The following WDR3 variants were observed in gnomAD, a reference collection of about 807,000 sequenced individuals.
WDR3 encodes WD repeat-containing protein 3.
A neutral mutation model predicts 123.7 loss-of-function variants in WDR3; 81 were observed. That is an observed-to-expected ratio of 0.65 (90% CI 0.55 to 0.79). The LOEUF (loss-of-function observed/expected upper bound fraction) is 0.79, where lower values mean the gene tolerates loss of function less well. WDR3 is among the 30% of genes least tolerant of loss of function. The pLI is 0.00. For synonymous variants in WDR3, 390 were observed against 388.8 expected, an observed-to-expected ratio of 1.00 and a Z score of -0.04; for missense variants, 1,027 against 1,123.2, an observed-to-expected ratio of 0.91 and a Z score of 1.22.
intron 7 of WDR3, 24 bp from the exon 8 acceptor site, chr1:117,941,100 C>A (rs750548156): frequency 1.2e-6 from 2 of 1,612,350 alleles, no homozygotes; most frequent in Non-Finnish European, 1.7e-6. Flanking sequence ...ATCTAACCTT[C>A]ATCTGCTCTT....
At position 117,946,099 on chromosome 1, in the gene WDR3, T is replaced by G; in HGVS notation, c.1342T>G (p.Cys448Gly). The change falls in exon 12 of 27, where the codon TGT becomes GGT. Residue 448 changes from cysteine (C) to glycine (G), a missense_variant. Physicochemically the swap from Cys to Gly is radical, Grantham distance 159 (BLOSUM62 -3). Coordinates refer to ENST00000349139, the MANE Select transcript of WDR3 (RefSeq NM_006784.3). ...TCTTTCTCATAGGTCTACACTGCAG[T>G]GTATTCGCACAATGACCTGTGAATA... ...IKIWNRSTLQCIRTMTCEYAL... is the reference protein window; with the variant it reads ...IKIWNRSTLQGIRTMTCEYAL... 1 of 1,611,806 alleles carries G rather than the reference T, an allele frequency of 6.2e-7. No homozygotes were observed. The highest frequency in any genetic ancestry group is 2.2e-5 in the East Asian group (1 of 44,804).
At chr1:117,951,508 C>CTTTTTTT (rs60053262) in intron 16 of WDR3, among the ~76,000 whole-genome samples, 1 of 128,792 alleles carries the variant, frequency 7.8e-6, no homozygotes. Flanking sequence ...AAATGTATTT[C>CTTTTTTT]TTTTTTTTTT....
intron 12 of WDR3, 121 bp from the exon 13 acceptor site, chr1:117,948,284 C>G (rs1651478747): frequency 1.4e-6 from 1 of 735,178 alleles, no homozygotes; most frequent in Non-Finnish European, 2.3e-6. Flanking sequence ...GGATCCATTT[C>G]CTAAGCAATG....
At chr1:117,949,620 G>A in intron 13 of WDR3, 131 bp from the exon 14 acceptor site, 1 of 1,027,188 alleles carries the variant, frequency 9.7e-7, no homozygotes, top group Non-Finnish European at 1.4e-6. Context: ...GGGCTAGGGA[G>A]AACCACGTTT....
rs1002988455 is a variant in WDR3, at chr1:117,964,699, T to G, written c.*5252T>G. 5 of 152,180 alleles carry G rather than the reference T, an allele frequency of 3.3e-5. No homozygotes were observed. Among genetic ancestry groups the G allele is most frequent in the Non-Finnish European group, 5.9e-5 (4 of 68,028 alleles). 9.4% of individuals were successfully genotyped at this position (152,180 alleles called of 1,614,324 possible). A position where few individuals can be genotyped will look rare whatever the true frequency, so the allele number is the denominator to read the frequency against. On this transcript the variant is annotated 3_prime_UTR_variant, in exon 27 of 27. Coordinates refer to ENST00000349139, the MANE Select transcript of WDR3 (RefSeq NM_006784.3). Reference sequence around the variant, plus strand: ...TACTTACTTTATGTATTGTCTGTCCTCCCACTGGAATGTAAGCTACATAAA... The same window carrying G: ...TACTTACTTTATGTATTGTCTGTCCGCCCACTGGAATGTAAGCTACATAAA...
Position 117,966,516 on chromosome 1 carries a change from ATAAAG to A in WDR3, c.*7072_*7076del, listed in dbSNP as rs1209910938. On this transcript the variant is annotated 3_prime_UTR_variant, in exon 27 of 27. Transcript: ENST00000349139. ...AACTCTGATTTTGAAGATAGAATTA[ATAAAG>A]TAGAGATGCATTTTGACTTCCATGT... The A allele has an allele frequency of 3.5e-5, 41 of 1,183,104 alleles. No individual in the cohort carries two copies. Among genetic ancestry groups the A allele is most frequent in the African/African-American group, 3.2e-4 (21 of 64,638 alleles). The allele number at this position is 1,183,104 out of a possible 1,614,324, so 73.3% of individuals were successfully genotyped here. A position where few individuals can be genotyped will look rare whatever the true frequency, so the allele number is the denominator to read the frequency against.
At chr1:117,941,008 A>G in intron 7 of WDR3, 68 bp downstream of exon 7, 2 of 1,572,522 alleles carry the variant, frequency 1.3e-6, no homozygotes, top group South Asian at 1.2e-5. Flanking sequence ...GCAGATTTTT[A>G]GGGAATCATC....
intron 10 of WDR3, 46 bp downstream of exon 10, chr1:117,942,590 C>A: frequency 6.5e-7 from 1 of 1,540,280 alleles, no homozygotes. Context: ...AGTAAGCTAC[C>A]AAGTATTATT....
intron 25 of WDR3, 50 bp from the exon 26 acceptor site, chr1:117,958,860 G>A (rs1344418855): frequency 6.2e-6 from 9 of 1,447,124 alleles, no homozygotes; most frequent in Admixed American, 3.6e-5. Flanking sequence ...GAAGGGTTAA[G>A]TAGGGCTAGA....
Position 117,950,842 on chromosome 1 carries a change from G to C in WDR3, c.1755G>C (p.Leu585=), listed in dbSNP as rs759568258. ...IFYVDTLKFF[L]SLYGHKLPVI... Reference sequence around the variant, plus strand: ...GTTTTTTTGATGTTTAGTTTTTTCTGTCACTGTATGGACACAAACTGCCTG... The same window carrying C: ...GTTTTTTTGATGTTTAGTTTTTTCTCTCACTGTATGGACACAAACTGCCTG... Residue 585 remains leucine, a synonymous_variant, in exon 16 of 27, where the codon CTG becomes CTC. Transcript: ENST00000349139. 16 of 1,607,464 alleles carry C rather than the reference G, an allele frequency of 1.0e-5. No individual in the cohort carries two copies. The South Asian group carries it at 1.8e-4, about 18-fold the overall frequency.
In WDR3 at chr1:117,960,325, T is replaced by G. The variant is rs1652897019; in HGVS notation, c.*878T>G. On this transcript the variant is annotated 3_prime_UTR_variant, in exon 27 of 27. Coordinates refer to ENST00000349139, the MANE Select transcript of WDR3 (RefSeq NM_006784.3). ...GACTGGGAGCCTGACTGATGTATTATATATATTGTATACTGTATTCTTAAA... is the reference window on the plus strand; with the variant it reads ...GACTGGGAGCCTGACTGATGTATTAGATATATTGTATACTGTATTCTTAAA... 1 of 152,184 alleles carries G rather than the reference T, an allele frequency of 6.6e-6. No individual in the cohort carries two copies. 9.4% of individuals were successfully genotyped at this position (152,184 alleles called of 1,614,324 possible). A position where few individuals can be genotyped will look rare whatever the true frequency, so the allele number is the denominator to read the frequency against.
At chr1:117,957,764 G>T (rs1216533543) in intron 25 of WDR3, among the ~76,000 whole-genome samples, 1 of 152,192 alleles carries the variant, frequency 6.6e-6, no homozygotes, top group African/African-American at 2.4e-5. Flanking sequence ...GGTTCTTCCA[G>T]TGTGGCCCAG....
In WDR3 at chr1:117,959,610, C is replaced by A; in HGVS notation, c.*163C>A. 1.5e-6 allele frequency: 1 copy of A among 679,336 alleles called. No homozygotes were observed. 42.1% of individuals were successfully genotyped at this position (679,336 alleles called of 1,614,324 possible). On this transcript the variant is annotated 3_prime_UTR_variant, in exon 27 of 27. Transcript: ENST00000349139. ...CCAGCTTTGCCTGAGGGAATTCCAA[C>A]ATGAGATTATGGGCTGGCTCCATTT...
rs1571062255 is a variant in WDR3 at position 117,961,437 on chromosome 1, T to G, written c.*1990T>G. 6.6e-6 allele frequency: 1 copy of G among 152,336 alleles called. No homozygotes were observed. The highest frequency in any genetic ancestry group is 2.1e-4 in the South Asian group (1 of 4,830). The allele number at this position is 152,336 out of a possible 1,614,324, so 9.4% of individuals were successfully genotyped here. A position where few individuals can be genotyped will look rare whatever the true frequency, so the allele number is the denominator to read the frequency against. On this transcript the variant is annotated 3_prime_UTR_variant, in exon 27 of 27. Transcript: ENST00000349139. ...ACAGATACCTCTGGGTCTGGGCTTT[T>G]CTTTTGGGGAAGTTTATAAATGACT... is the stretch of plus-strand genomic sequence containing the variant.
rs1188523136 is a variant in WDR3 at position 117,941,105 on chromosome 1, G to A, written c.790-19G>A. 2 of 1,613,282 alleles carry A rather than the reference G, an allele frequency of 1.2e-6. No homozygotes were observed. Among genetic ancestry groups the A allele is most frequent in the African/African-American group, 2.7e-5 (2 of 74,868 alleles). On this transcript the variant is annotated intron_variant, in intron 7 of 26. Transcript: ENST00000349139. ...CAGAACTTACATCTAACCTTCATCTGCTCTTGCTTCTTCTGTAGCGAATCC... is the reference window on the plus strand; with the variant it reads ...CAGAACTTACATCTAACCTTCATCTACTCTTGCTTCTTCTGTAGCGAATCC...
chr1:117,943,296 T>C (rs1651244883), intron 10 of WDR3, 100 bp from the exon 11 acceptor site: 27 of 1,037,558 alleles, frequency 2.6e-5, no homozygotes, highest in Non-Finnish European at 3.5e-5. Flanking sequence ...TTATTCAAAC[T>C]TTATATAGAT....
Position 117,934,669 on chromosome 1 carries a change from C to T in WDR3, c.368C>T (p.Ala123Val). ...LKYDQLGGRL[A>V]SGSKDTDIIV... ...TATGATCAGCTAGGAGGCAGACTGGCATCTGGGTCCAAGGTGAGCCTTTGA... is the reference window on the plus strand; with the variant it reads ...TATGATCAGCTAGGAGGCAGACTGGTATCTGGGTCCAAGGTGAGCCTTTGA... Residue 123 changes from alanine to valine, a missense_variant, in exon 3 of 27, where the codon GCA (alanine) becomes GTA (valine). Coordinates refer to ENST00000349139, the MANE Select transcript of WDR3 (RefSeq NM_006784.3). 1.9e-6 allele frequency: 3 copies of T among 1,613,184 alleles called. No individual in the cohort carries two copies. The highest frequency in any genetic ancestry group is 2.5e-6 in the Non-Finnish European group (3 of 1,179,870).
chr1:117,933,807 C>T (rs1423273424), intron 2 of WDR3: 4 of 337,252 alleles, frequency 1.2e-5, no homozygotes, highest in African/African-American at 2.1e-5. Context: ...TTTTCAAGCT[C>T]GACTTATGCT....
At position 117,942,549 on chromosome 1, in the gene WDR3, G is replaced by A. The variant is rs1350747997; in HGVS notation, c.1097+5G>A. On this transcript the variant is annotated splice_donor_5th_base_variant and intron_variant, in intron 10 of 26. Transcript: ENST00000349139. ...AAAAACTTCTGCCAAAATCAAGTGA[G>A]TAAAAATAAATTATCTGAAGTTATA... The A allele has an allele frequency of 1.9e-6, 3 of 1,609,118 alleles. No individual in the cohort carries two copies. Among genetic ancestry groups the A allele is most frequent in the African/African-American group, 2.7e-5 (2 of 74,650 alleles).
Sources: allele counts gnomAD v4.1 joint callset (sites outside exome capture counted in the v4.1 genomes callset), GRCh38; gene constraint gnomAD v4.1.1; transcripts MANE v1.5; gene names NCBI Gene and HGNC (gene_info 2026-07-23, HGNC 2026-07-21).